The following ANXA8 variants were observed in gnomAD, a reference collection of about 807,000 sequenced individuals.
ANXA8 encodes VAC-beta.
ANXA8 carries 9 observed loss-of-function variants against 26.8 expected under a neutral mutation model. The ratio of observed to expected loss-of-function variants is 0.34; its 90% CI spans 0.20 to 0.59. The LOEUF (loss-of-function observed/expected upper bound fraction) is 0.59. Among genes scored for constraint, ANXA8 ranks in the 20% least tolerant of loss-of-function variants. ANXA8 has a pLI of 0.84. For synonymous variants in ANXA8, 39 were observed against 94.8 expected (o/e 0.41, Z 3.42); for missense variants, 83 against 238.5 (o/e 0.35, Z 4.29).
chr10:47,652,663 G>A, the ANXA8 span, among the ~76,000 whole-genome samples: 1 of 139,816 alleles, frequency 7.2e-6, no homozygotes, highest in Non-Finnish European at 1.5e-5. Context: ...GTAAGGTTTG[G>A]TAAAGGTTTA....
At chr10:47,668,681 AGTT>A in the ANXA8 span, among the ~76,000 whole-genome samples, 1 of 150,954 alleles carries the variant, frequency 6.6e-6, no homozygotes, top group Non-Finnish European at 1.5e-5. Flanking sequence ...TTCTTCCCAC[AGTT>A]GTCCGTGTTT....
At chr10:47,649,698 C>T in the ANXA8 span, among the ~76,000 whole-genome samples, 7 of 150,414 alleles carry the variant, frequency 4.7e-5, no homozygotes, top group East Asian at 2.0e-4. Flanking sequence ...TCAGCCACTG[C>T]GCCTGGCCCT....
the ANXA8 span, among the ~76,000 whole-genome samples, chr10:47,723,660 C>T: frequency 7.9e-5 from 11 of 139,822 alleles, no homozygotes; most frequent in Admixed American, 6.6e-4. Context: ...CTTGAGCTCT[C>T]GTCTGTGTCC....
the ANXA8 span, among the ~76,000 whole-genome samples, chr10:47,777,593 A>G: frequency 6.6e-6 from 1 of 152,228 alleles, no homozygotes; most frequent in South Asian, 2.1e-4. Context: ...AAACACACCC[A>G]CCAAATCCTG....
At chr10:47,972,956 G>A in the ANXA8 span, among the ~76,000 whole-genome samples, 2 of 149,446 alleles carry the variant, frequency 1.3e-5, no homozygotes, top group African/African-American at 4.9e-5. Context: ...CTAAGGTGTG[G>A]GATGTGCTCC....
the ANXA8 span, among the ~76,000 whole-genome samples, chr10:47,971,269 T>A: frequency 1.3e-5 from 2 of 151,106 alleles, no homozygotes; most frequent in Admixed American, 1.3e-4. Context: ...GCAGAAGGAC[T>A]GAGGAAACTA....
chr10:47,623,993 T>C, the ANXA8 span, among the ~76,000 whole-genome samples: 1 of 98,638 alleles, frequency 1.0e-5, no homozygotes, highest in Non-Finnish European at 2.1e-5. Flanking sequence ...TTCCAGCACT[T>C]TGGGAGGCTG....
At chr10:47,486,356 T>C (rs1405230908), upstream of ANXA8, among the ~76,000 whole-genome samples, 20 of 144,634 alleles carry the variant, frequency 1.4e-4, no homozygotes, top group Non-Finnish European at 2.3e-4. Context: ...TCCCTTAGCA[T>C]GTCTTGAAGC....
At chr10:47,588,811 CTTTTTT>C in the ANXA8 span, 1 of 97,310 alleles carries the variant, frequency 1.0e-5, no homozygotes, top group Non-Finnish European at 1.8e-5. Context: ...CTTTCTCTCT[CTTTTTT>C]TTTTTTTTTT....
the ANXA8 span, among the ~76,000 whole-genome samples, chr10:47,551,555 T>C: frequency 6.6e-6 from 1 of 152,092 alleles, no homozygotes; most frequent in Admixed American, 6.5e-5. Context: ...CGCCAACCAG[T>C]GTGCAGATGC....
At chr10:47,687,805 A>T in the ANXA8 span, among the ~76,000 whole-genome samples, 1 of 151,818 alleles carries the variant, frequency 6.6e-6, no homozygotes, top group Non-Finnish European at 1.5e-5. Flanking sequence ...TCATTTTTTT[A>T]AAAAGAGAGT....
chr10:47,591,184 T>C, the ANXA8 span, among the ~76,000 whole-genome samples: 10 of 145,714 alleles, frequency 6.9e-5, 1 homozygote, highest in African/African-American at 2.5e-4. Context: ...TGCATTTGGG[T>C]GGGGCCTGAA....
At chr10:47,476,670 T>C (rs1302807651) in intron 4 of ANXA8, among the ~76,000 whole-genome samples, 1 of 74,028 alleles carries the variant, frequency 1.4e-5, no homozygotes, top group African/African-American at 5.0e-5. Flanking sequence ...GCAGTGCCCA[T>C]GCAGCAAGTG....
the ANXA8 span, among the ~76,000 whole-genome samples, chr10:47,950,298 A>G: frequency 1.0e-3 from 154 of 150,340 alleles, no homozygotes; most frequent in Non-Finnish European, 1.7e-3. Context: ...ACTTATATTT[A>G]CAAATTGTCA....
the ANXA8 span, among the ~76,000 whole-genome samples, chr10:47,980,496 C>T: frequency 6.6e-6 from 1 of 151,612 alleles, no homozygotes; most frequent in Non-Finnish European, 1.5e-5. Context: ...CTGAAAAGAG[C>T]AATAAAATTA....
At chr10:47,521,767 A>T in the ANXA8 span, among the ~76,000 whole-genome samples, 2 of 151,370 alleles carry the variant, frequency 1.3e-5, no homozygotes, top group African/African-American at 4.9e-5. Context: ...TGTAGAGACT[A>T]AAAAACTCCA....
chr10:47,506,643 T>TTTTG, the ANXA8 span, among the ~76,000 whole-genome samples: 1 of 141,830 alleles, frequency 7.1e-6, no homozygotes, highest in African/African-American at 2.6e-5. Flanking sequence ...TTATTGCTTT[T>TTTTG]TTTGTTTGTT....
At chr10:47,733,195 T>TCTCTC in the ANXA8 span, among the ~76,000 whole-genome samples, 1 of 111,386 alleles carries the variant, frequency 9.0e-6, no homozygotes, top group African/African-American at 3.3e-5. Flanking sequence ...CTTTCTTTCT[T>TCTCTC]TCTTTCTTTC....
chr10:47,888,982 A>ACG, the ANXA8 span, among the ~76,000 whole-genome samples: 1 of 102,216 alleles, frequency 9.8e-6, no homozygotes, highest in Non-Finnish European at 2.1e-5. Context: ...TATAATATAT[A>ACG]TGTGTGTGTG....
Sources: allele counts gnomAD v4.1 joint callset (sites outside exome capture counted in the v4.1 genomes callset), GRCh38; gene constraint gnomAD v4.1.1; transcripts MANE v1.5; gene names NCBI Gene and HGNC (gene_info 2026-07-23, HGNC 2026-07-21).